The following VIPR1 variants were observed in gnomAD, a reference collection of about 807,000 sequenced individuals.
The protein encoded by VIPR1 is vasoactive intestinal polypeptide receptor 1.
A neutral mutation model predicts 58.8 loss-of-function variants in VIPR1; 59 were observed. That is an observed-to-expected ratio of 1.00 (90% CI 0.81 to 1.25). The LOEUF (loss-of-function observed/expected upper bound fraction) is 1.25, where lower values mean the gene tolerates loss of function less well. Among genes scored for constraint, VIPR1 ranks in the 50% most tolerant of loss-of-function variants. The pLI, the probability that VIPR1 is intolerant of heterozygous loss-of-function variation, is 0.00. For missense variants in VIPR1, 626 were observed against 602.7 expected, an observed-to-expected ratio of 1.04 and a Z score of -0.40; for synonymous variants, 251 against 242.1, an observed-to-expected ratio of 1.04 and a Z score of -0.34.
intron 5 of VIPR1, 53 bp downstream of exon 5, chr3:42,527,549 C>T (rs1366193219): frequency 1.2e-5 from 19 of 1,573,326 alleles, no homozygotes; most frequent in Non-Finnish European, 1.5e-5. Flanking sequence ...AAGTGTCCCT[C>T]CCACAGTGGA....
At chr3:42,534,214 A>AC (rs1289439077) in intron 10 of VIPR1, 2 of 152,378 alleles carry the variant, frequency 1.3e-5, no homozygotes, top group African/African-American at 2.4e-5. Context: ...AAGCAGACAC[A>AC]GCAGAAAAAA....
rs1306774591 is a variant in VIPR1 at position 42,536,544 on chromosome 3, CA to C, written c.*266del. 1.5e-5 allele frequency: 6 copies of C among 409,832 alleles called. No homozygotes were observed. The highest frequency in any genetic ancestry group is 2.1e-5 in the Non-Finnish European group (5 of 233,302). 25.4% of individuals were successfully genotyped at this position (409,832 alleles called of 1,614,324 possible). On this transcript the variant is annotated 3_prime_UTR_variant, in exon 13 of 13. Transcript: ENST00000325123. ...GAACTCAGTCATTAGACTCCTCCTCCAAAGGCCCCCTACGCCAATCAAGGGC... is the reference window on the plus strand; with the variant it reads ...GAACTCAGTCATTAGACTCCTCCTCCAAGGCCCCCTACGCCAATCAAGGGC...
chr3:42,495,253 C>A (rs1278875140), intron 1 of VIPR1, among the ~76,000 whole-genome samples: 1 of 152,028 alleles, frequency 6.6e-6, no homozygotes, highest in Non-Finnish European at 1.5e-5. Context: ...TCCCAAGTAG[C>A]TGGGACTATA....
chr3:42,513,930 C>A, intron 2 of VIPR1, 76 bp downstream of exon 2: 6 of 1,462,638 alleles, frequency 4.1e-6, no homozygotes, highest in Non-Finnish European at 5.6e-6. Context: ...AGCTGAGATC[C>A]AAGTCACGTT....
At position 42,526,726 on chromosome 3, in the gene VIPR1, C is replaced by T. The variant is rs562049268; in HGVS notation, c.400-667C>T. Reference sequence around the variant, plus strand: ...AACCACTTGCCTCTCCTCAGGCAAGCGTGGGAGGCTGACAGGAAGGAGTGG... The same window carrying T: ...AACCACTTGCCTCTCCTCAGGCAAGTGTGGGAGGCTGACAGGAAGGAGTGG... On this transcript the variant is annotated intron_variant, in intron 4 of 12. Coordinates refer to ENST00000325123, the MANE Select transcript of VIPR1 (RefSeq NM_004624.4). 4.6e-5 allele frequency among the ~76,000 whole-genome samples: 7 copies of T among 152,260 alleles called. No homozygotes were observed. In the East Asian group the frequency reaches 7.7e-4, roughly 17 times the overall value.
intron 1 of VIPR1, among the ~76,000 whole-genome samples, chr3:42,494,332 A>G (rs1360142219): frequency 1.3e-5 from 2 of 152,226 alleles, no homozygotes; most frequent in Non-Finnish European, 2.9e-5. Flanking sequence ...TATCAGCATT[A>G]TGATACCTCG....
At chr3:42,493,663 G>T (rs1412803763) in intron 1 of VIPR1, among the ~76,000 whole-genome samples, 1 of 152,204 alleles carries the variant, frequency 6.6e-6, no homozygotes, top group Admixed American at 6.5e-5. Flanking sequence ...CACAGTGGCT[G>T]TTGCAAAGGC....
In VIPR1 at chr3:42,504,859, C is replaced by T. The variant is rs400785; in HGVS notation, c.78+2046C>T. ...GGCCTTATCACTCCTGTTTATGGTG[C>T]CCTGACTTCAGCCTGGGAAGGAGAA... is the stretch of plus-strand genomic sequence containing the variant. On this transcript the variant is annotated intron_variant, in intron 1 of 12. Transcript: ENST00000325123. 6.3e-3 allele frequency among the ~76,000 whole-genome samples: 943 copies of T among 148,890 alleles called. 16 individuals are homozygous for T. The highest frequency in any genetic ancestry group is 0.022 in the African/African-American group (901 of 40,152).
intron 3 of VIPR1, among the ~76,000 whole-genome samples, chr3:42,524,095 A>G (rs1256826723): frequency 6.6e-6 from 1 of 152,226 alleles, no homozygotes; most frequent in African/African-American, 2.4e-5. Context: ...GATTACAGGC[A>G]TGAGCCACCG....
At chr3:42,531,731 C>G in intron 8 of VIPR1, 72 bp from the exon 9 acceptor site, 1 of 1,600,254 alleles carries the variant, frequency 6.2e-7, no homozygotes, top group South Asian at 1.1e-5. Context: ...CTGGGGACAA[C>G]TGGGGGAGGT....
In VIPR1 at chr3:42,537,193, G is replaced by A. The variant is rs1199546014; in HGVS notation, c.*912G>A. 6.6e-6 allele frequency: 1 copy of A among 152,178 alleles called. No homozygotes were observed. Among genetic ancestry groups the A allele is most frequent in the African/African-American group, 2.4e-5 (1 of 41,428 alleles). 9.4% of individuals were successfully genotyped at this position (152,178 alleles called of 1,614,324 possible). A position where few individuals can be genotyped will look rare whatever the true frequency, so the allele number is the denominator to read the frequency against. On this transcript the variant is annotated 3_prime_UTR_variant, in exon 13 of 13. Transcript: ENST00000325123. ...CTAGGCTCAGAGATGTGCACCCATG[G>A]GCTCTGACAGAAAGCAGATACCTCA...
chr3:42,515,775 T>C (rs1700594048), intron 2 of VIPR1, among the ~76,000 whole-genome samples: 1 of 152,208 alleles, frequency 6.6e-6, no homozygotes, highest in Non-Finnish European at 1.5e-5. Context: ...TGTCTGACTC[T>C]GAGTATCTTT....
chr3:42,500,244 A>G (rs342542), upstream of VIPR1: 122,761 of 152,178 alleles, frequency 0.81, 49,596 homozygotes, highest in East Asian at 0.99. Flanking sequence ...GAGGAGAGGA[A>G]GGGTAGTGTG....
In VIPR1 at chr3:42,531,510, G is replaced by C. The variant is rs1259014683; in HGVS notation, c.830G>C (p.Arg277Thr). 6.3e-7 allele frequency: 1 copy of C among 1,596,022 alleles called. No individual in the cohort carries two copies. Among genetic ancestry groups the C allele is most frequent in the African/African-American group, 1.3e-5 (1 of 74,630 alleles). ...TTCACCATGGTGTGGACCATCGCCA[G>C]GATCCATTTTGAGGATTATGGGTGA... is the stretch of plus-strand genomic sequence containing the variant. ...STFTMVWTIA[R>T]IHFEDYGCWD... The change falls in exon 8 of 13, where the codon AGG (arginine) becomes ACG (threonine). Residue 277 changes from arginine (R) to threonine (T), a missense_variant. By Grantham distance (71) the Arg-to-Thr change is moderately conservative. Transcript: ENST00000325123.
chr3:42,518,200 T>A (rs1300481059), intron 2 of VIPR1, among the ~76,000 whole-genome samples: 2 of 152,082 alleles, frequency 1.3e-5, no homozygotes, highest in East Asian at 3.9e-4. Flanking sequence ...CTAGATGTAG[T>A]CTGAAGGTTG....
chr3:42,517,423 T>C (rs922791856), intron 2 of VIPR1, among the ~76,000 whole-genome samples: 2 of 152,196 alleles, frequency 1.3e-5, no homozygotes, highest in Non-Finnish European at 2.9e-5. Context: ...TTAAGCCTCC[T>C]GCATGGGATG....
At chr3:42,524,366 C>G (rs1172134323) in intron 3 of VIPR1, among the ~76,000 whole-genome samples, 2 of 152,196 alleles carry the variant, frequency 1.3e-5, no homozygotes, top group African/African-American at 2.4e-5. Context: ...GAGCCTCTTG[C>G]AACAGTGAGG....
intron 3 of VIPR1, among the ~76,000 whole-genome samples, chr3:42,522,701 A>G (rs1206782997): frequency 1.3e-5 from 2 of 152,148 alleles, no homozygotes. Flanking sequence ...TGGGGAGCTG[A>G]CAGGAAAGCA....
intron 1 of VIPR1, among the ~76,000 whole-genome samples, chr3:42,496,825 CTTTATT>C (rs1264323132): frequency 2.0e-5 from 3 of 152,168 alleles, no homozygotes; most frequent in Non-Finnish European, 4.4e-5. Flanking sequence ...TACGAGCAAT[CTTTATT>C]TTTAATCTTC....
Sources: gnomAD v4.1 joint callset for allele counts (sites outside exome capture counted in the v4.1 genomes callset) on GRCh38, gnomAD v4.1.1 for gene constraint, MANE v1.5 for transcripts, NCBI Gene and HGNC (gene_info 2026-07-23, HGNC 2026-07-21) for gene names.